Variants in VPS13B observed in about 807,000 individuals in gnomAD.
The protein encoded by VPS13B is vacuolar protein sorting 13 homolog B, also known as intermembrane lipid transfer protein VPS13B.
In VPS13B, 285 loss-of-function variants were observed where a neutral mutation model predicts 426.4. That is an observed-to-expected ratio of 0.67 (90% CI 0.61 to 0.74). The LOEUF (loss-of-function observed/expected upper bound fraction) is 0.74. Among genes scored for constraint, VPS13B ranks in the 30% least tolerant of loss-of-function variants. VPS13B has a pLI of 0.00. For missense variants in VPS13B, 4,537 were observed against 4,782.6 expected, an observed-to-expected ratio of 0.95 and a Z score of 1.51; for synonymous variants, 1,676 against 1,676.4, an observed-to-expected ratio of 1.00 and a Z score of 0.01.
At chr8:99,019,373 A>C (rs1363402685) in intron 2 of VPS13B, among the ~76,000 whole-genome samples, 1 of 151,778 alleles carries the variant, frequency 6.6e-6, no homozygotes, top group Non-Finnish European at 1.5e-5. Context: ...CACCCGGCTA[A>C]TTTTTCTGTA....
intron 19 of VPS13B, among the ~76,000 whole-genome samples, chr8:99,320,177 A>G (rs1362980659): frequency 1.3e-5 from 2 of 152,198 alleles, no homozygotes; most frequent in South Asian, 2.1e-4. Context: ...AAATAGAAAT[A>G]TGATGGTTTG....
Position 99,154,412 on chromosome 8 carries a change from T to C in VPS13B, c.2014-2137T>C, listed in dbSNP as rs554336824. ...TCAGTTTTGGCAGTTTCTACTGAGA[T>C]AACTTCAAGCTTAGAGATTCTTTTG... is the stretch of plus-strand genomic sequence containing the variant. On this transcript the variant is annotated intron_variant, in intron 14 of 61. Transcript: ENST00000357162. 1.6e-4 allele frequency among the ~76,000 whole-genome samples: 25 copies of C among 152,314 alleles called. 1 individual carries two copies. Among genetic ancestry groups the C allele is most frequent in the Admixed American group, 1.4e-3 (21 of 15,294 alleles).
intron 2 of VPS13B, among the ~76,000 whole-genome samples, chr8:99,028,587 C>A (rs1318851757): frequency 3.1e-5 from 4 of 129,670 alleles, no homozygotes; most frequent in Admixed American, 1.4e-4. Flanking sequence ...CCCCCTCCCC[C>A]CTCCCGGACG....
chr8:99,114,500 T>G (rs1847547456), intron 6 of VPS13B, among the ~76,000 whole-genome samples: 1 of 152,242 alleles, frequency 6.6e-6, no homozygotes, highest in Non-Finnish European at 1.5e-5. Context: ...TGCTGACTGC[T>G]TATTACCAGT....
At chr8:99,654,891 G>A (rs548696865) in intron 34 of VPS13B, among the ~76,000 whole-genome samples, 1 of 150,358 alleles carries the variant, frequency 6.7e-6, no homozygotes, top group South Asian at 2.1e-4. Context: ...GGAACAACTT[G>A]TCTCAATGAA....
At chr8:99,182,390 A>G (rs1812988960) in intron 16 of VPS13B, among the ~76,000 whole-genome samples, 1 of 152,130 alleles carries the variant, frequency 6.6e-6, no homozygotes, top group South Asian at 2.1e-4. Flanking sequence ...TGATTTCAGT[A>G]TCTTTTTGGG....
chr8:99,089,737 A>G (rs1675808556), intron 3 of VPS13B, among the ~76,000 whole-genome samples: 1 of 152,200 alleles, frequency 6.6e-6, no homozygotes, highest in Non-Finnish European at 1.5e-5. Context: ...ACACTTAAAA[A>G]GGTGCCAGAC....
At chr8:99,407,673 T>A (rs1300416357) in intron 21 of VPS13B, among the ~76,000 whole-genome samples, 5 of 152,108 alleles carry the variant, frequency 3.3e-5, no homozygotes, top group South Asian at 2.1e-4. Flanking sequence ...TTTATTTTTT[T>A]ATTTTTTTAT....
chr8:99,060,293 A>C (rs1751789289), intron 3 of VPS13B, among the ~76,000 whole-genome samples: 1 of 152,116 alleles, frequency 6.6e-6, no homozygotes, highest in South Asian at 2.1e-4. Flanking sequence ...ATAGTGTGTT[A>C]TAAATGTTTG....
chr8:99,832,953 C>T (rs1029206818), intron 52 of VPS13B, among the ~76,000 whole-genome samples: 1 of 152,040 alleles, frequency 6.6e-6, no homozygotes, highest in Non-Finnish European at 1.5e-5. Context: ...CAAATAGCAT[C>T]GTATGAAAAG....
At chr8:99,760,152 T>C (rs1032685512) in intron 39 of VPS13B, among the ~76,000 whole-genome samples, 1 of 151,860 alleles carries the variant, frequency 6.6e-6, no homozygotes, top group African/African-American at 2.4e-5. Flanking sequence ...ATTTTTTTAT[T>C]ATTATTATTT....
At chr8:99,264,206 G>T (rs1818189718) in intron 17 of VPS13B, among the ~76,000 whole-genome samples, 1 of 150,320 alleles carries the variant, frequency 6.7e-6, no homozygotes, top group African/African-American at 2.4e-5. Flanking sequence ...TTAATTTTTG[G>T]AGTCTTTTTT....
chr8:99,481,742 C>T lies in VPS13B; in HGVS notation c.3810C>T (p.Gly1270=). The change falls in exon 25 of 62, where the codon GGC becomes GGT. Residue 1270 remains glycine, a synonymous_variant. Transcript: ENST00000357162. ...CTTCTCCAGTTAGAAGCAGTATAGG[C>T]ACAGCTCCTCCAGATACCAGCACAT... ...VPTSPVRSSI[G]TAPPDTSTCS... The T allele has an allele frequency of 6.2e-7, 1 of 1,613,972 alleles. No homozygotes were observed. Among genetic ancestry groups the T allele is most frequent in the Non-Finnish European group, 8.5e-7 (1 of 1,179,878 alleles).
At chr8:99,462,981 G>C (rs186443621) in intron 23 of VPS13B, among the ~76,000 whole-genome samples, 1 of 152,270 alleles carries the variant, frequency 6.6e-6, no homozygotes, top group East Asian at 1.9e-4. Context: ...CTAGTCTATG[G>C]TATTGTGTTA....
intron 17 of VPS13B, among the ~76,000 whole-genome samples, chr8:99,224,335 G>T (rs184095644): frequency 4.0e-4 from 61 of 152,132 alleles, no homozygotes; most frequent in Admixed American, 2.6e-3. Context: ...TACTTTCTAA[G>T]CATTTTTATG....
At chr8:99,526,776 G>A (rs1355804390) in intron 30 of VPS13B, among the ~76,000 whole-genome samples, 1 of 152,174 alleles carries the variant, frequency 6.6e-6, no homozygotes, top group African/African-American at 2.4e-5. Flanking sequence ...CTTAAGAGGG[G>A]TAATGATTTA....
chr8:99,174,101 G>A lies in VPS13B; in HGVS notation c.2333+3938G>A, dbSNP rs114240051. On this transcript the variant is annotated intron_variant, in intron 16 of 61. Coordinates refer to ENST00000357162, the MANE Select transcript of VPS13B (RefSeq NM_152564.5). ...ATTTGTGTCTGGCTTATTTCACTTA[G>A]CATAATGTTTTCAAGATTAATCCGT... Among the ~76,000 whole-genome samples, 207 of 152,194 alleles carry A rather than the reference G, an allele frequency of 1.4e-3. 1 individual carries two copies. The highest frequency in any genetic ancestry group is 4.9e-3 in the African/African-American group (204 of 41,534).
At chr8:99,525,505 T>C (rs1245776910) in intron 30 of VPS13B, among the ~76,000 whole-genome samples, 1 of 152,194 alleles carries the variant, frequency 6.6e-6, no homozygotes, top group East Asian at 1.9e-4. Context: ...CAGTGGATGT[T>C]ACAATGACCC....
chr8:99,334,568 T>G (rs1275626386), intron 19 of VPS13B, among the ~76,000 whole-genome samples: 1 of 152,164 alleles, frequency 6.6e-6, no homozygotes, highest in East Asian at 1.9e-4. Context: ...CGTGAAGCGT[T>G]GTTGAATTTT....
Sources: gnomAD v4.1 joint callset for allele counts (sites outside exome capture counted in the v4.1 genomes callset) on GRCh38, gnomAD v4.1.1 for gene constraint, MANE v1.5 for transcripts, NCBI Gene and HGNC (gene_info 2026-07-23, HGNC 2026-07-21) for gene names.